Variants in PLD5 observed in about 807,000 individuals in gnomAD.
PLD5 encodes phospholipase D family member 5, also known as inactive phospholipase D5.
PLD5 carries 36 observed loss-of-function variants against 61.1 expected under a neutral mutation model. The ratio of observed to expected loss-of-function variants is 0.59; its 90% CI spans 0.45 to 0.78. The LOEUF (loss-of-function observed/expected upper bound fraction) is 0.78, where lower values mean the gene tolerates loss of function less well. PLD5 is among the 30% of genes least tolerant of loss of function. The pLI is 0.00. For synonymous variants in PLD5, 243 were observed against 242.8 expected (o/e 1.00, Z -0.01); for missense variants, 515 against 644.4 (o/e 0.80, Z 2.17).
At chr1:242,180,330 A>T (rs1667442223) in intron 5 of PLD5, among the ~76,000 whole-genome samples, 1 of 152,206 alleles carries the variant, frequency 6.6e-6, no homozygotes, top group African/African-American at 2.4e-5. Flanking sequence ...CATACTGACC[A>T]GAAATTATTA....
intron 1 of PLD5, among the ~76,000 whole-genome samples, chr1:242,408,675 C>T (rs1664373356): frequency 6.6e-6 from 1 of 152,208 alleles, no homozygotes; most frequent in Non-Finnish European, 1.5e-5. Flanking sequence ...GCCTGCAGAA[C>T]TGTGAGCCAA....
At chr1:242,300,663 G>C (rs1466647594) in intron 2 of PLD5, among the ~76,000 whole-genome samples, 1 of 151,686 alleles carries the variant, frequency 6.6e-6, no homozygotes, top group Non-Finnish European at 1.5e-5. Context: ...GTGATGAAAA[G>C]ACACAGTGGA....
chr1:242,450,712 A>G (rs1464354101), intron 1 of PLD5, among the ~76,000 whole-genome samples: 2 of 152,196 alleles, frequency 1.3e-5, no homozygotes, highest in Non-Finnish European at 2.9e-5. Context: ...GCTCGATGGC[A>G]TCAAGGAGTA....
In PLD5 at chr1:242,394,979, A is replaced by ATATATATGAT. The variant is rs1558527900; in HGVS notation, c.190-46738_190-46737insATCATATATA. Among the ~76,000 whole-genome samples the ATATATATGAT allele has an allele frequency of 6.7e-4, 61 of 90,898 alleles. 1 individual carries two copies. Among genetic ancestry groups the ATATATATGAT allele is most frequent in the African/African-American group, 2.7e-3 (54 of 20,232 alleles). The allele number at this position is 90,898 out of a possible 152,430, so 59.6% of individuals were successfully genotyped here. On this transcript the variant is annotated intron_variant, in intron 1 of 9. Transcript: ENST00000536534. ...TATGAATATATATGATTATATATGAATATATATGAATATATATGTATATAT... is the reference window on the plus strand; with the variant it reads ...TATGAATATATATGATTATATATGAATATATATGATTATATATGAATATATATGTATATAT...
At chr1:242,443,002 A>G (rs1306955382) in intron 1 of PLD5, among the ~76,000 whole-genome samples, 1 of 152,196 alleles carries the variant, frequency 6.6e-6, no homozygotes, top group Non-Finnish European at 1.5e-5. Context: ...CAACATTGCA[A>G]TATAGCCTGC....
At chr1:242,222,571 G>A (rs10926662) in intron 4 of PLD5, among the ~76,000 whole-genome samples, 45,618 of 152,046 alleles carry the variant, frequency 0.3, 7,149 homozygotes, top group East Asian at 0.53. Context: ...ACTCGGCCCC[G>A]TGGCCAGTTG....
At chr1:242,328,980 A>AT (rs1023796133) in intron 2 of PLD5, among the ~76,000 whole-genome samples, 5 of 149,418 alleles carry the variant, frequency 3.3e-5, no homozygotes, top group Non-Finnish European at 1.5e-5. Context: ...TTCTTCAATC[A>AT]TTTTTTTTCC....
At chr1:242,217,930 G>A (rs982590274) in intron 5 of PLD5, among the ~76,000 whole-genome samples, 3 of 152,188 alleles carry the variant, frequency 2.0e-5, no homozygotes, top group Admixed American at 1.3e-4. Context: ...GAACATTGTT[G>A]AAATAAAAAG....
At chr1:242,321,044 C>A (rs374534697) in intron 2 of PLD5, among the ~76,000 whole-genome samples, 2 of 152,080 alleles carry the variant, frequency 1.3e-5, no homozygotes, top group African/African-American at 2.4e-5. Flanking sequence ...TACTATCAAC[C>A]GAAAGAAATA....
rs1659331078 is a variant in PLD5, at chr1:242,083,224, C to T, written c.*6630G>A. 6.6e-6 allele frequency: 1 copy of T among 152,198 alleles called. No homozygotes were observed. The highest frequency in any genetic ancestry group is 1.5e-5 in the Non-Finnish European group (1 of 68,060). 9.4% of individuals were successfully genotyped at this position (152,198 alleles called of 1,614,324 possible). ...GTCTATTCTGGCTGTGCTTCCTATT[C>T]ATCATTTACTTTCTGGTGTTCAAAC... On this transcript the variant is annotated 3_prime_UTR_variant, in exon 10 of 10. Transcript: ENST00000536534.
At chr1:242,094,123 C>A (rs1660045715) in intron 9 of PLD5, among the ~76,000 whole-genome samples, 1 of 146,484 alleles carries the variant, frequency 6.8e-6, no homozygotes. Flanking sequence ...TTTCATCCAG[C>A]TTTTTTTTTT....
At chr1:242,178,870 T>C (rs917170616) in intron 5 of PLD5, among the ~76,000 whole-genome samples, 7 of 152,218 alleles carry the variant, frequency 4.6e-5, no homozygotes, top group African/African-American at 1.7e-4. Context: ...TCTACTCCAG[T>C]GCAAAGATAC....
At chr1:242,446,936 T>C (rs1221798412) in intron 1 of PLD5, among the ~76,000 whole-genome samples, 2 of 152,264 alleles carry the variant, frequency 1.3e-5, no homozygotes, top group Admixed American at 1.3e-4. Flanking sequence ...ATTCCCACCC[T>C]GGCATTACCC....
At chr1:242,138,068 T>C (rs1663881694) in intron 5 of PLD5, among the ~76,000 whole-genome samples, 1 of 152,178 alleles carries the variant, frequency 6.6e-6, no homozygotes, top group African/African-American at 2.4e-5. Flanking sequence ...CACGTATAAT[T>C]ATCAAATGAT....
At chr1:242,311,954 C>G (rs1354401170) in intron 2 of PLD5, among the ~76,000 whole-genome samples, 1 of 151,516 alleles carries the variant, frequency 6.6e-6, no homozygotes, top group Non-Finnish European at 1.5e-5. Flanking sequence ...TGACCTTTTT[C>G]AAATTCACAG....
chr1:242,114,385 TATC>T (rs1661780403), intron 6 of PLD5, among the ~76,000 whole-genome samples: 1 of 152,236 alleles, frequency 6.6e-6, no homozygotes. Flanking sequence ...TTAGCATATC[TATC>T]ATCTCAAACT....
At chr1:242,317,008 CTT>C (rs913777385) in intron 2 of PLD5, among the ~76,000 whole-genome samples, 3 of 144,192 alleles carry the variant, frequency 2.1e-5, no homozygotes, top group African/African-American at 5.0e-5. Flanking sequence ...ATCCAGTCTA[CTT>C]TTTTTTTTTT....
intron 2 of PLD5, among the ~76,000 whole-genome samples, chr1:242,289,806 G>T (rs1675254076): frequency 6.6e-6 from 1 of 152,062 alleles, no homozygotes; most frequent in African/African-American, 2.4e-5. Context: ...TTTCAACAAA[G>T]AATTCAGCAC....
chr1:242,125,942 C>T (rs1028995048), intron 5 of PLD5, among the ~76,000 whole-genome samples: 2 of 152,174 alleles, frequency 1.3e-5, no homozygotes, highest in African/African-American at 4.8e-5. Flanking sequence ...AGACTTCATT[C>T]CTATACTTTC....
Sources: allele counts gnomAD v4.1 joint callset (sites outside exome capture counted in the v4.1 genomes callset), GRCh38; gene constraint gnomAD v4.1.1; transcripts MANE v1.5; gene names NCBI Gene and HGNC (gene_info 2026-07-23, HGNC 2026-07-21).